NHLRC2: variants seen among roughly 807,000 people sequenced by gnomAD.
NHLRC2 encodes the protein NHL repeat-containing protein 2.
NHLRC2 carries 33 observed loss-of-function variants against 68.1 expected under a neutral mutation model. The ratio of observed to expected loss-of-function variants is 0.48; its 90% CI spans 0.37 to 0.65. NHLRC2 has a LOEUF of 0.65. Ranked by LOEUF, NHLRC2 falls within the 30% of genes least tolerant of loss-of-function variation. The pLI, the probability that NHLRC2 is intolerant of heterozygous loss-of-function variation, is 0.00. For synonymous variants in NHLRC2, 311 were observed against 309.6 expected, an observed-to-expected ratio of 1.00 and a Z score of -0.05; for missense variants, 761 against 853.8, an observed-to-expected ratio of 0.89 and a Z score of 1.35.
rs1178628910 is a variant in NHLRC2 at position 113,913,439 on chromosome 10, T to G, written c.*4903T>G. ...TTGTTTGTCAAAAGATTTTATGTAC[T>G]ACTTTTTCTTAATTTCAGATATTAT... On this transcript the variant is annotated 3_prime_UTR_variant, in exon 11 of 11. Coordinates refer to ENST00000369301, the MANE Select transcript of NHLRC2 (RefSeq NM_198514.4). 3 of 152,226 alleles carry G rather than the reference T, an allele frequency of 2.0e-5. No individual in the cohort carries two copies. The highest frequency in any genetic ancestry group is 7.2e-5 in the African/African-American group (3 of 41,462). The allele number at this position is 152,226 out of a possible 1,614,324, so 9.4% of individuals were successfully genotyped here.
intron 5 of NHLRC2, among the ~76,000 whole-genome samples, chr10:113,889,120 C>G (rs1021360651): frequency 6.6e-6 from 1 of 152,104 alleles, no homozygotes; most frequent in African/African-American, 2.4e-5. Flanking sequence ...AGCCACTGCG[C>G]CCAGCCAAAA....
intron 2 of NHLRC2, among the ~76,000 whole-genome samples, chr10:113,868,798 A>G (rs986346056): frequency 3.3e-5 from 5 of 152,230 alleles, no homozygotes; most frequent in Non-Finnish European, 5.9e-5. Flanking sequence ...TTCTTATGAA[A>G]GTAAAAATTG....
chr10:113,857,822 A>G (rs1278025711), intron 1 of NHLRC2, among the ~76,000 whole-genome samples: 1 of 152,080 alleles, frequency 6.6e-6, no homozygotes, highest in African/African-American at 2.4e-5. Flanking sequence ...CATTTAGCAT[A>G]TTTTATTTTG....
At chr10:113,873,479 G>A (rs1409615471) in intron 2 of NHLRC2, among the ~76,000 whole-genome samples, 1 of 152,060 alleles carries the variant, frequency 6.6e-6, no homozygotes, top group African/African-American at 2.4e-5. Flanking sequence ...TTATGTTATT[G>A]TGGAGCTACA....
chr10:113,916,586 A>G lies in NHLRC2; in HGVS notation c.*8050A>G, dbSNP rs909233156. The stretch of plus-strand genomic sequence containing the variant: ...TTAAGTTGCATTGAGAGACAATTAG[A>G]AATGTTGTAATTGTCATATCTTTAC... On this transcript the variant is annotated 3_prime_UTR_variant, in exon 11 of 11. Transcript: ENST00000369301. 2 of 152,134 alleles carry G rather than the reference A, an allele frequency of 1.3e-5. No individual in the cohort carries two copies. Among genetic ancestry groups the G allele is most frequent in the Admixed American group, 6.5e-5 (1 of 15,282 alleles). 9.4% of individuals were successfully genotyped at this position (152,134 alleles called of 1,614,324 possible).
At chr10:113,889,281 T>A (rs927592969) in intron 5 of NHLRC2, among the ~76,000 whole-genome samples, 7 of 152,218 alleles carry the variant, frequency 4.6e-5, no homozygotes, top group Non-Finnish European at 1.0e-4. Context: ...CAACCTTTAA[T>A]GGTTGAAATC....
intron 10 of NHLRC2, among the ~76,000 whole-genome samples, chr10:113,907,370 C>G (rs1282018419): frequency 6.6e-6 from 1 of 152,130 alleles, no homozygotes; most frequent in African/African-American, 2.4e-5. Context: ...GTAGGTGGTC[C>G]AGTTTTTGTA....
chr10:113,884,272 G>A lies in NHLRC2; in HGVS notation c.931G>A (p.Val311Met), dbSNP rs755566610. 3 of 1,610,020 alleles carry A rather than the reference G, an allele frequency of 1.9e-6. No homozygotes were observed. The highest frequency in any genetic ancestry group is 1.1e-5 in the South Asian group (1 of 90,882). ...ATAGATTGACCTAGAAGCTGAGAAG[G>A]TGAGCACTGTAGCTGGTATTGGAAT... is the stretch of plus-strand genomic sequence containing the variant. The part of the protein sequence containing the change: ...IRKIDLEAEK[V>M]STVAGIGIQG... Residue 311 changes from valine to methionine, a missense_variant, in exon 5 of 11, where the codon GTG becomes ATG. Physicochemically the swap from Val to Met is conservative, Grantham distance 21 (BLOSUM62 1). Transcript: ENST00000369301.
At position 113,854,962 on chromosome 10, in the gene NHLRC2, C is replaced by CCAG; in HGVS notation, c.94_96dup (p.Gln32dup). 6.4e-7 allele frequency: 1 copy of CCAG among 1,554,214 alleles called. No homozygotes were observed. The highest frequency in any genetic ancestry group is 8.7e-7 in the Non-Finnish European group (1 of 1,148,342). ...AGTACGCCCTGCTCGACGCCGTTAC[C>CCAG]CAGCAGGAGAAGGACAGCCTGGTCT... On this transcript the variant is annotated inframe_insertion, in exon 1 of 11. Coordinates refer to ENST00000369301, the MANE Select transcript of NHLRC2 (RefSeq NM_198514.4).
intron 2 of NHLRC2, among the ~76,000 whole-genome samples, chr10:113,873,054 C>A (rs536052155): frequency 2.6e-5 from 4 of 152,184 alleles, no homozygotes; most frequent in African/African-American, 9.6e-5. Flanking sequence ...ACGTAACTTA[C>A]AAAGACATGT....
intron 9 of NHLRC2, 49 bp downstream of exon 9, chr10:113,903,785 A>G (rs1256171132): frequency 5.5e-6 from 6 of 1,087,356 alleles, no homozygotes; most frequent in Non-Finnish European, 8.5e-6. Flanking sequence ...TAAGAATGAT[A>G]CTAAGATCCT....
At chr10:113,889,028 T>C (rs1223740827) in intron 5 of NHLRC2, among the ~76,000 whole-genome samples, 1 of 152,080 alleles carries the variant, frequency 6.6e-6, no homozygotes, top group Non-Finnish European at 1.5e-5. Flanking sequence ...GGTTTCACCA[T>C]GTTGGCCAGG....
chr10:113,860,203 A>G (rs1180967133), intron 2 of NHLRC2, among the ~76,000 whole-genome samples: 2 of 152,090 alleles, frequency 1.3e-5, no homozygotes, highest in African/African-American at 4.8e-5. Context: ...TGTGTTTTAG[A>G]ATGGCATTAC....
chr10:113,862,526 CT>C (rs368991686), intron 2 of NHLRC2, among the ~76,000 whole-genome samples: 16 of 151,150 alleles, frequency 1.1e-4, no homozygotes, highest in African/African-American at 3.6e-4. Context: ...GACAAAAAAG[CT>C]CTAAGGCATG....
At chr10:113,888,812 C>A (rs1477494522) in intron 5 of NHLRC2, among the ~76,000 whole-genome samples, 1 of 150,050 alleles carries the variant, frequency 6.7e-6, no homozygotes, top group East Asian at 2.0e-4. Flanking sequence ...AAGGTTGAAA[C>A]TCCTATCAGT....
intron 5 of NHLRC2, among the ~76,000 whole-genome samples, chr10:113,897,010 A>AT (rs1846183886): frequency 6.6e-6 from 1 of 151,654 alleles, no homozygotes; most frequent in African/African-American, 2.4e-5. Context: ...AAAAAAAAAA[A>AT]TTTTGAACCA....
chr10:113,914,490 T>C lies in NHLRC2; in HGVS notation c.*5954T>C, dbSNP rs1237068755. ...GCGCACTAAATACTATTAAAAGGAA[T>C]TAAGCAAAATGCTACGTACCAATGA... is the stretch of plus-strand genomic sequence containing the variant. On this transcript the variant is annotated 3_prime_UTR_variant, in exon 11 of 11. Transcript: ENST00000369301. 1 of 162,922 alleles carries C rather than the reference T, an allele frequency of 6.1e-6. No homozygotes were observed. Among genetic ancestry groups the C allele is most frequent in the Non-Finnish European group, 1.3e-5 (1 of 75,100 alleles). The allele number at this position is 162,922 out of a possible 1,614,324, so 10.1% of individuals were successfully genotyped here. A position where few individuals can be genotyped will look rare whatever the true frequency, so the allele number is the denominator to read the frequency against.
intron 5 of NHLRC2, among the ~76,000 whole-genome samples, chr10:113,897,395 T>C (rs1174422785): frequency 6.6e-6 from 1 of 152,178 alleles, no homozygotes; most frequent in African/African-American, 2.4e-5. Context: ...CTCTATGGTG[T>C]CTATTGAAGG....
chr10:113,907,008 A>G (rs570433914), intron 10 of NHLRC2, among the ~76,000 whole-genome samples: 1 of 152,122 alleles, frequency 6.6e-6, no homozygotes. Flanking sequence ...AATAAAATAT[A>G]AGAAGTTCTC....
Sources: allele counts gnomAD v4.1 joint callset (sites outside exome capture counted in the v4.1 genomes callset), GRCh38; gene constraint gnomAD v4.1.1; transcripts MANE v1.5; gene names NCBI Gene and HGNC (gene_info 2026-07-23, HGNC 2026-07-21).